The following DIO2 variants were observed in gnomAD, a reference collection of about 807,000 sequenced individuals.
DIO2 encodes type II iodothyronine deiodinase.
In DIO2, 19 loss-of-function variants were observed where a neutral mutation model predicts 21.4. The observed-to-expected ratio is 0.89, with a 90% CI of 0.62 to 1.30. The LOEUF (loss-of-function observed/expected upper bound fraction) is 1.30. DIO2 is among the 50% of genes most tolerant of loss of function. The probability of loss-of-function intolerance (pLI) is 0.00; values close to 1 mark genes in which losing one functional copy is unlikely to be tolerated. For synonymous variants in DIO2, 122 were observed against 132.9 expected (o/e 0.92, Z 0.57); for missense variants, 302 against 338.1 (o/e 0.89, Z 0.84).
intron 1 of DIO2, among the ~76,000 whole-genome samples, chr14:80,204,171 G>A (rs925984280): frequency 6.6e-6 from 1 of 151,262 alleles, no homozygotes; most frequent in African/African-American, 2.4e-5. Flanking sequence ...CTTACAAGGT[G>A]GTTCTTACCA....
upstream of DIO2, among the ~76,000 whole-genome samples, chr14:80,215,136 G>A (rs1888322309): frequency 6.6e-6 from 1 of 152,134 alleles, no homozygotes; most frequent in Admixed American, 6.5e-5. Flanking sequence ...CATGTAATGA[G>A]TTAAATGCAA....
In DIO2 at chr14:80,201,068, G is replaced by C. The variant is rs1346864736; in HGVS notation, c.*1621C>G. 1 of 151,710 alleles carries C rather than the reference G, an allele frequency of 6.6e-6. No individual in the cohort carries two copies. Among genetic ancestry groups the C allele is most frequent in the African/African-American group, 2.4e-5 (1 of 41,360 alleles). 9.4% of individuals were successfully genotyped at this position (151,710 alleles called of 1,614,324 possible). A position where few individuals can be genotyped will look rare whatever the true frequency, so the allele number is the denominator to read the frequency against. ...AAAAAGAAATTATGATACGAAAGTG[G>C]TTGGTCCATTCTTTTGGGAGCTATA... On this transcript the variant is annotated 3_prime_UTR_variant, in exon 2 of 2. Transcript: ENST00000438257.
intron 2 of DIO2, among the ~76,000 whole-genome samples, chr14:80,217,023 G>T (rs553359888): frequency 6.6e-6 from 1 of 152,128 alleles, no homozygotes; most frequent in African/African-American, 2.4e-5. Context: ...CAGAGGTAAT[G>T]GTGTAGTTTG....
At chr14:80,209,808 G>T (rs1235883064) in intron 1 of DIO2, among the ~76,000 whole-genome samples, 1 of 152,148 alleles carries the variant, frequency 6.6e-6, no homozygotes, top group African/African-American at 2.4e-5. Flanking sequence ...ATAAAGACGT[G>T]CATTGTGGTA....
rs1432602169 is a variant in DIO2 at position 80,200,013 on chromosome 14, C to T, written c.*2676G>A. 2 of 152,540 alleles carry T rather than the reference C, an allele frequency of 1.3e-5. No homozygotes were observed. The highest frequency in any genetic ancestry group is 2.9e-5 in the Non-Finnish European group (2 of 68,008). 9.4% of individuals were successfully genotyped at this position (152,540 alleles called of 1,614,324 possible). The stretch of plus-strand genomic sequence containing the variant: ...GCATATCAGATAAAGCATTGATTTT[C>T]CTCTACCTCAAAATAATGAGTTCTT... On this transcript the variant is annotated 3_prime_UTR_variant, in exon 2 of 2. Coordinates refer to ENST00000438257, the MANE Select transcript of DIO2 (RefSeq NM_013989.5).
intron 1 of DIO2, among the ~76,000 whole-genome samples, chr14:80,208,031 G>A (rs956587584): frequency 6.6e-5 from 10 of 152,152 alleles, no homozygotes; most frequent in Admixed American, 2.0e-4. Context: ...AATATTAACC[G>A]TGCAGAAGCT....
chr14:80,220,129 C>G (rs1888437288), intron 2 of DIO2, among the ~76,000 whole-genome samples: 1 of 151,960 alleles, frequency 6.6e-6, no homozygotes, highest in African/African-American at 2.4e-5. Flanking sequence ...GGCTGGAGTG[C>G]AGTGGCGCGA....
rs1284822646 is a variant in DIO2, at chr14:80,200,349, A to C, written c.*2340T>G. 4 of 152,588 alleles carry C rather than the reference A, an allele frequency of 2.6e-5. No individual in the cohort carries two copies. Among genetic ancestry groups the C allele is most frequent in the Non-Finnish European group, 5.9e-5 (4 of 68,024 alleles). The allele number at this position is 152,588 out of a possible 1,614,324, so 9.5% of individuals were successfully genotyped here. ...CACACATAAACGACCTCCTTCTTTA[A>C]AAATATAGCACAACTGGGTGATTTT... On this transcript the variant is annotated 3_prime_UTR_variant, in exon 2 of 2. Coordinates refer to ENST00000438257, the MANE Select transcript of DIO2 (RefSeq NM_013989.5).
intron 1 of DIO2, 90 bp downstream of exon 1, chr14:80,211,161 C>A: frequency 4.8e-6 from 6 of 1,256,796 alleles, no homozygotes; most frequent in Non-Finnish European, 4.4e-6. Context: ...TCACAGCTCT[C>A]CCCCCAATGC....
chr14:80,213,755 G>A (rs1244648536), upstream of DIO2, among the ~76,000 whole-genome samples: 1 of 152,096 alleles, frequency 6.6e-6, no homozygotes, highest in African/African-American at 2.4e-5. Flanking sequence ...GAATGGGGGT[G>A]CCCTGGAATT....
At chr14:80,221,299 A>G (rs1387699392) in intron 2 of DIO2, among the ~76,000 whole-genome samples, 1 of 152,152 alleles carries the variant, frequency 6.6e-6, no homozygotes, top group Non-Finnish European at 1.5e-5. Flanking sequence ...TTTGACAATC[A>G]TCTGTCAAGC....
chr14:80,198,768 A>AGG lies in DIO2; in HGVS notation c.*3919_*3920dup, dbSNP rs563213493. ...ACTCTGACTTTTGGCCATACCATTTAGGGAAAAAAAAAAAAAAAAAAAAAC... is the reference window on the plus strand; with the variant it reads ...ACTCTGACTTTTGGCCATACCATTTAGGGGGAAAAAAAAAAAAAAAAAAAAAC... On this transcript the variant is annotated 3_prime_UTR_variant, in exon 2 of 2. Transcript: ENST00000438257. 1 of 133,446 alleles carries AGG rather than the reference A, an allele frequency of 7.5e-6. No homozygotes were observed. The highest frequency in any genetic ancestry group is 2.5e-4 in the South Asian group (1 of 4,048). 8.3% of individuals were successfully genotyped at this position (133,446 alleles called of 1,614,324 possible). A position where few individuals can be genotyped will look rare whatever the true frequency, so the allele number is the denominator to read the frequency against.
At position 80,211,361 on chromosome 14, in the gene DIO2, C is replaced by A. The variant is rs770622026; in HGVS notation, c.112G>T (p.Val38Leu). 1.9e-6 allele frequency: 3 copies of A among 1,613,768 alleles called. No homozygotes were observed. In the Admixed American group the frequency reaches 5.0e-5, roughly 27 times the overall value. The change falls in exon 1 of 2, where the codon GTG (valine) becomes TTG (leucine). Residue 38 changes from valine (V) to leucine (L), a missense_variant. Transcript: ENST00000438257. ...YDSVILLKHV[V>L]LLLSRSKSTR... ...GACTTGGAGCGGCTCAACAGCAGCA[C>A]CACGTGCTTGAGCAGAATGACCGAG...
upstream of DIO2, among the ~76,000 whole-genome samples, chr14:80,214,329 T>C (rs1401783889): frequency 6.6e-6 from 1 of 152,212 alleles, no homozygotes. Context: ...AGGAGGAAAG[T>C]ATGTTTGTAA....
chr14:80,203,183 C>T lies in DIO2; in HGVS notation c.328G>A (p.Ala110Thr). 1 of 1,610,366 alleles carries T rather than the reference C, an allele frequency of 6.2e-7. No individual in the cohort carries two copies. The highest frequency in any genetic ancestry group is 8.5e-7 in the Non-Finnish European group (1 of 1,178,286). ...GCAAAGTCAAGAAGGTGGCATGTGG[C>T]TCCCTCAGCTATCTTCTCCTGGGTA... ...NGTQEKIAEG[A>T]TCHLLDFASP... is the part of the protein sequence containing the mutation. The change falls in exon 2 of 2, where the codon GCC (alanine) becomes ACC (threonine). Residue 110 changes from alanine (A) to threonine (T), a missense_variant. By Grantham distance (58) the Ala-to-Thr change is moderately conservative. Coordinates refer to ENST00000438257, the MANE Select transcript of DIO2 (RefSeq NM_013989.5).
rs1292719181 is a variant in DIO2, at chr14:80,224,536, A to ACACACAC, written c.-277-7800_-277-7799insGTGTGTG. Among the ~76,000 whole-genome samples the ACACACAC allele has an allele frequency of 8.7e-3, 471 of 53,930 alleles. 2 individuals are homozygous for ACACACAC. Among genetic ancestry groups the ACACACAC allele is most frequent in the Non-Finnish European group, 0.02 (340 of 16,910 alleles). The allele number at this position is 53,930 out of a possible 152,430, so 35.4% of individuals were successfully genotyped here. Reference sequence around the variant, plus strand: ...ACACACACACACACACACACACACAAGACAACAATGAGAAGATGGAACACA... The same window carrying ACACACAC: ...ACACACACACACACACACACACACAACACACACGACAACAATGAGAAGATGGAACACA... On this transcript the variant is annotated intron_variant, in intron 2 of 4. Transcript: ENST00000553594.
At chr14:80,224,534 C>CACACACACAA (rs1369170857) in intron 2 of DIO2, among the ~76,000 whole-genome samples, 2 of 148,344 alleles carry the variant, frequency 1.3e-5, no homozygotes, top group African/African-American at 2.5e-5. Context: ...CACACACACA[C>CACACACACAA]AAGACAACAA....
At chr14:80,207,058 A>T in intron 1 of DIO2, among the ~76,000 whole-genome samples, 1 of 152,152 alleles carries the variant, frequency 6.6e-6, no homozygotes, top group African/African-American at 2.4e-5. Flanking sequence ...GCTGACTTTT[A>T]TCTCTCTCAT....
Position 80,202,068 on chromosome 14 carries a change from C to A in DIO2, c.*621G>T. ...CTCAGATTACAGATGATCATTCTAA[C>A]CTCTCAGACTGAGGGATCATTCTCG... On this transcript the variant is annotated 3_prime_UTR_variant, in exon 2 of 2. Transcript: ENST00000438257. 3.7e-6 allele frequency: 1 copy of A among 267,888 alleles called. No individual in the cohort carries two copies. The highest frequency in any genetic ancestry group is 5.0e-5 in the Admixed American group (1 of 20,104). The allele number at this position is 267,888 out of a possible 1,614,324, so 16.6% of individuals were successfully genotyped here.
Sources: gnomAD v4.1 joint callset for allele counts (sites outside exome capture counted in the v4.1 genomes callset) on GRCh38, gnomAD v4.1.1 for gene constraint, MANE v1.5 for transcripts, NCBI Gene and HGNC (gene_info 2026-07-23, HGNC 2026-07-21) for gene names.